Variants in ZAN observed in about 807,000 individuals in gnomAD.
ZAN encodes the protein zonadhesin.
Under a neutral mutation model 286.2 loss-of-function variants are expected in ZAN, and 260 were observed. The ratio of observed to expected loss-of-function variants is 0.91; its 90% CI spans 0.82 to 1.01. ZAN has a LOEUF of 1.01. ZAN is among the 50% of genes least tolerant of loss of function. ZAN has a pLI of 0.00. For missense variants in ZAN, 3,410 were observed against 3,639.2 expected (o/e 0.94, Z 1.62); for synonymous variants, 1,368 against 1,417.5 (o/e 0.97, Z 0.79).
rs779844937 is a variant in ZAN, at chr7:100,779,502, C to T, written c.6374C>T (p.Pro2125Leu). The T allele has an allele frequency of 4.0e-5, 64 of 1,612,210 alleles. No individual in the cohort carries two copies. Among genetic ancestry groups the T allele is most frequent in the African/African-American group, 1.1e-4 (8 of 74,944 alleles). Reference protein sequence around the residue: ...QQIPAEQQENPSGNCRAADLR... With the variant: ...QQIPAEQQENLSGNCRAADLR... ...ATTCCAGCGGAACAGCAGGAGAACC[C>T]GAGTGGAAACTGCAGGGCGGCCGAC... Residue 2125 changes from proline (P) to leucine (L), a missense_variant, in exon 35 of 48, where the codon CCG becomes CTG. Pro to Leu is a moderately conservative substitution (Grantham distance 98, BLOSUM62 -3). Around this residue, in one of 7 missense-constraint regions of ZAN, gnomAD observed 1,289 missense variants for 1,314.3 expected, o/e 0.98. Transcript: ENST00000613979.
intron 7 of ZAN, among the ~76,000 whole-genome samples, chr7:100,746,088 G>T (rs970809610): frequency 6.6e-6 from 1 of 151,886 alleles, no homozygotes; most frequent in Non-Finnish European, 1.5e-5. Flanking sequence ...TTAGCAGGGC[G>T]TGGTGGCGCA....
chr7:100,760,302 C>A, intron 18 of ZAN, 89 bp from the exon 19 acceptor site: 1 of 1,537,596 alleles, frequency 6.5e-7, no homozygotes, highest in South Asian at 1.2e-5. Context: ...TGGATGGTGT[C>A]CTGCCTCCCA....
Position 100,737,073 on chromosome 7 carries a change from C to A in ZAN, c.518C>A (p.Pro173His), listed in dbSNP as rs1194056805. The change falls in exon 5 of 48, where the codon CCC becomes CAC. Residue 173 changes from proline (P) to histidine (H), a missense_variant. Around this residue, in one of 7 missense-constraint regions of ZAN, gnomAD observed 872 missense variants for 938.9 expected, o/e 0.93. Coordinates refer to ENST00000613979, the MANE Select transcript of ZAN (RefSeq NM_003386.3). ...TVTVPAGFTL[P>H]TRLMFEGTRG... is the part of the protein sequence containing the mutation. ...ACTGTGCCCGCAGGGTTCACCCTGC[C>A]CACCCGGGTAAGGCCGGGGACAAAT... is the stretch of plus-strand genomic sequence containing the variant. 11 of 1,493,598 alleles carry A rather than the reference C, an allele frequency of 7.4e-6. No individual in the cohort carries two copies. The highest frequency in any genetic ancestry group is 8.2e-6 in the Non-Finnish European group (9 of 1,092,952). The allele number at this position is 1,493,598 out of a possible 1,614,324, so 92.5% of individuals were successfully genotyped here.
Position 100,758,650 on chromosome 7 carries a change from G to C in ZAN, c.3571G>C (p.Asp1191His), listed in dbSNP as rs1419591170. The C allele has an allele frequency of 4.5e-6, 7 of 1,552,548 alleles. No homozygotes were observed. The highest frequency in any genetic ancestry group is 5.2e-6 in the Non-Finnish European group (6 of 1,147,894). ...GGCCCAGCCCTGTGGCAACTCAACA[G>C]GTAGGCCCTGGAGATGCCACTGCGG... ...ILAQPCGNSTDPFFRVTAKNE... is the reference protein window; with the variant it reads ...ILAQPCGNSTHPFFRVTAKNE... The change falls in exon 17 of 48, where the codon GAC becomes CAC. Residue 1191 changes from aspartate (D) to histidine (H), a missense_variant and splice_region_variant. Physicochemically the swap from Asp to His is moderately conservative, Grantham distance 81 (BLOSUM62 -1). Coordinates refer to ENST00000613979, the MANE Select transcript of ZAN (RefSeq NM_003386.3).
In ZAN at chr7:100,751,699, T is replaced by C; in HGVS notation, c.1607-13T>C. 1 of 1,567,768 alleles carries C rather than the reference T, an allele frequency of 6.4e-7. No homozygotes were observed. Among genetic ancestry groups the C allele is most frequent in the Non-Finnish European group, 8.6e-7 (1 of 1,164,142 alleles). On this transcript the variant is annotated splice_polypyrimidine_tract_variant and intron_variant, in intron 13 of 47. Coordinates refer to ENST00000613979, the MANE Select transcript of ZAN (RefSeq NM_003386.3). ...TTTGACTAAACTCCAGGGATTCTTATTTTTCTTTGCAGTAAAAGTGCTACC... is the reference window on the plus strand; with the variant it reads ...TTTGACTAAACTCCAGGGATTCTTACTTTTCTTTGCAGTAAAAGTGCTACC...
At position 100,785,988 on chromosome 7, in the gene ZAN, C is replaced by T. The variant is rs1811538761; in HGVS notation, c.6835-9C>T. The T allele has an allele frequency of 1.2e-6, 2 of 1,612,190 alleles. No homozygotes were observed. The highest frequency in any genetic ancestry group is 1.7e-6 in the Non-Finnish European group (2 of 1,179,230). ...CCTCACTCTCTTTCTCTTCCTGTAA[C>T]TTCTACAGCTGGGCAAGAGCTGGGT... On this transcript the variant is annotated splice_polypyrimidine_tract_variant and intron_variant, in intron 36 of 47. Transcript: ENST00000613979.
Position 100,738,356 on chromosome 7 carries a change from C to T in ZAN, c.614-105C>T, listed in dbSNP as rs1017580412. On this transcript the variant is annotated intron_variant, in intron 6 of 47. Transcript: ENST00000613979. ...CCGCTTGAGTCCAGGAGTTCGAGGC[C>T]GCAGTGAGCTATGATCACACCACTG... is the stretch of plus-strand genomic sequence containing the variant. 11 of 1,120,028 alleles carry T rather than the reference C, an allele frequency of 9.8e-6. 1 individual carries two copies. Among genetic ancestry groups the T allele is most frequent in the African/African-American group, 1.6e-5 (1 of 62,954 alleles). The allele number at this position is 1,120,028 out of a possible 1,614,324, so 69.4% of individuals were successfully genotyped here. A position where few individuals can be genotyped will look rare whatever the true frequency, so the allele number is the denominator to read the frequency against.
chr7:100,736,947 A>G lies in ZAN; in HGVS notation c.392A>G (p.Gln131Arg), dbSNP rs1297072585. The G allele has an allele frequency of 5.3e-6, 8 of 1,503,072 alleles. 1 individual carries two copies. The highest frequency in any genetic ancestry group is 7.3e-6 in the Non-Finnish European group (8 of 1,098,002). 93.1% of individuals were successfully genotyped at this position (1,503,072 alleles called of 1,614,324 possible). Reference protein sequence around the residue: ...HHMFGLSWGAQLRLLLLSGEE... With the variant: ...HHMFGLSWGARLRLLLLSGEE... ...ATGTTCGGGCTGTCTTGGGGCGCCC[A>G]GCTCAGGCTGCTGCTGCTCTCGGGT... is the stretch of plus-strand genomic sequence containing the variant. The change falls in exon 5 of 48, where the codon CAG becomes CGG. Residue 131 changes from glutamine to arginine, a missense_variant. Coordinates refer to ENST00000613979, the MANE Select transcript of ZAN (RefSeq NM_003386.3).
intron 34 of ZAN, among the ~76,000 whole-genome samples, chr7:100,778,442 GAA>G (rs56157872): frequency 7.5e-6 from 1 of 133,298 alleles, no homozygotes. Flanking sequence ...CATCTCTACA[GAA>G]AAAAAAAAAA....
At position 100,748,322 on chromosome 7, in the gene ZAN, A is replaced by G. The variant is rs1808376121; in HGVS notation, c.1103-2A>G. On this transcript the variant is annotated splice_acceptor_variant, in intron 10 of 47. Coordinates refer to ENST00000613979, the MANE Select transcript of ZAN (RefSeq NM_003386.3). LOFTEE classifies it high-confidence loss of function. ...CTCAAATATCCTATTTTGATCCCCC[A>G]GAGGGTTTTCCTCAGTGTGACTTTG... The G allele has an allele frequency of 6.2e-7, 1 of 1,613,952 alleles. No homozygotes were observed. Among genetic ancestry groups the G allele is most frequent in the Non-Finnish European group, 8.5e-7 (1 of 1,179,890 alleles).
intron 14 of ZAN, 61 bp downstream of exon 14, chr7:100,753,290 T>A: frequency 6.7e-7 from 1 of 1,493,870 alleles, no homozygotes; most frequent in South Asian, 1.4e-5. Flanking sequence ...TAGGAGACAG[T>A]CAGGGAAAGG....
intron 3 of ZAN, 47 bp from the exon 4 acceptor site, chr7:100,736,436 C>T (rs1268862868): frequency 6.6e-7 from 1 of 1,508,946 alleles, no homozygotes; most frequent in Non-Finnish European, 9.1e-7. Context: ...GGCTCTGGGC[C>T]CTGCCCCTGC....
In ZAN at chr7:100,783,773, TATATATATATACAC is replaced by T. The variant is rs1811356082; in HGVS notation, c.6623-838_6623-825del. Among the ~76,000 whole-genome samples the T allele has an allele frequency of 9.3e-5, 2 of 21,476 alleles. 1 individual carries two copies. The highest frequency in any genetic ancestry group is 2.1e-4 in the Non-Finnish European group (2 of 9,676). The allele number at this position is 21,476 out of a possible 152,430, so 14.1% of individuals were successfully genotyped here. On this transcript the variant is annotated intron_variant, in intron 35 of 47. Coordinates refer to ENST00000613979, the MANE Select transcript of ZAN (RefSeq NM_003386.3). Reference sequence around the variant, plus strand: ...AAAAAAAAAAAAAAAAATATATATATATATATATATACACATATATATATATACACACATATATA... The same window carrying T: ...AAAAAAAAAAAAAAAAATATATATATATATATATATATACACACATATATA...
At position 100,793,013 on chromosome 7, in the gene ZAN, A is replaced by C. The variant is rs181872689; in HGVS notation, c.7787+534A>C. Among the ~76,000 whole-genome samples, 856 of 146,318 alleles carry C rather than the reference A, an allele frequency of 5.9e-3. 6 individuals carry two copies. The highest frequency in any genetic ancestry group is 1.0e-2 in the Non-Finnish European group (653 of 65,466). On this transcript the variant is annotated intron_variant, in intron 42 of 47. Transcript: ENST00000613979. ...AAAAAAAAAAGAAAGAAAGAAAGAA[A>C]GAACGAAAAAAAGAAAGAAATTAAA...
rs565626163 is a variant in ZAN, at chr7:100,768,076, C to A, written c.5041+65C>A. 974 of 1,529,494 alleles carry A rather than the reference C, an allele frequency of 6.4e-4. 3 individuals carry two copies. In the South Asian group the frequency reaches 7.5e-3, roughly 12 times the overall value. 94.7% of individuals were successfully genotyped at this position (1,529,494 alleles called of 1,614,324 possible). A position where few individuals can be genotyped will look rare whatever the true frequency, so the allele number is the denominator to read the frequency against. ...GAGTAGGCGTGTGACCTGGTCCCAG[C>A]TCCCCCAACATCTCTGTGAGGTGTT... On this transcript the variant is annotated intron_variant, in intron 26 of 47. Coordinates refer to ENST00000613979, the MANE Select transcript of ZAN (RefSeq NM_003386.3).
At chr7:100,792,910 C>CA (rs1356241773) in intron 42 of ZAN, among the ~76,000 whole-genome samples, 1 of 146,532 alleles carries the variant, frequency 6.8e-6, no homozygotes, top group African/African-American at 2.6e-5. Context: ...CCAGGAGTTC[C>CA]AGCCAGGCTG....
intron 35 of ZAN, among the ~76,000 whole-genome samples, chr7:100,781,345 C>T (rs567908157): frequency 5.3e-5 from 8 of 152,250 alleles, no homozygotes; most frequent in East Asian, 1.9e-4. Context: ...GGATTACAGA[C>T]GTGAGACATC....
rs778345977 is a variant in ZAN, at chr7:100,748,405, G to C, written c.1184G>C (p.Trp395Ser). ...CAGACTTCCGGGGATGGTGGACACT[G>C]GGCCCTCGGACATAAAAATGGACCC... Reference protein sequence around the residue: ...WVQTSGDGGHWALGHKNGPVH... With the variant: ...WVQTSGDGGHSALGHKNGPVH... The change falls in exon 11 of 48, where the codon TGG (tryptophan) becomes TCG (serine). Residue 395 changes from tryptophan to serine, a missense_variant. Around this residue, in one of 7 missense-constraint regions of ZAN, gnomAD observed 872 missense variants for 938.9 expected, o/e 0.93. Coordinates refer to ENST00000613979, the MANE Select transcript of ZAN (RefSeq NM_003386.3). The C allele has an allele frequency of 6.2e-7, 1 of 1,613,390 alleles. No homozygotes were observed.
intron 7 of ZAN, among the ~76,000 whole-genome samples, chr7:100,741,395 C>G (rs1172490930): frequency 5.6e-5 from 1 of 17,978 alleles, no homozygotes; most frequent in African/African-American, 1.7e-4. Flanking sequence ...CTGACCCCCC[C>G]ACCTCCCTCG....
Sources: allele counts gnomAD v4.1 joint callset (sites outside exome capture counted in the v4.1 genomes callset), GRCh38; gene constraint gnomAD v4.1.1; regional missense constraint gnomAD v4.1.1; transcripts MANE v1.5; gene names NCBI Gene and HGNC (gene_info 2026-07-23, HGNC 2026-07-21).